The following COQ10B variants were observed in gnomAD, a reference collection of about 807,000 sequenced individuals.
COQ10B encodes the protein coenzyme Q-binding protein COQ10 homolog B, mitochondrial.
A neutral mutation model predicts 27.6 loss-of-function variants in COQ10B; 12 were observed. The ratio of observed to expected loss-of-function variants is 0.43; its 90% confidence interval spans 0.28 to 0.70. COQ10B has a LOEUF of 0.70. COQ10B is among the 30% of genes least tolerant of loss of function. The pLI, the probability that COQ10B is intolerant of heterozygous loss-of-function variation, is 0.17. For missense variants in COQ10B, 278 were observed against 288.7 expected (o/e 0.96, Z 0.27); for synonymous variants, 115 against 103.0 (o/e 1.12, Z -0.71).
rs373301334 is a variant in COQ10B at position 197,473,941 on chromosome 2, G to C, written c.*17G>C. On this transcript the variant is annotated 3_prime_UTR_variant, in exon 5 of 5. Transcript: ENST00000263960. ...CACACATAAAGGCAAAAAAGAACTG[G>C]TGCCACCTGCTTCTGACTTTAGTTT... The C allele has an allele frequency of 9.6e-6, 14 of 1,456,018 alleles. No individual in the cohort carries two copies. Among genetic ancestry groups the C allele is most frequent in the Non-Finnish European group, 1.3e-5 (14 of 1,092,334 alleles). 90.2% of individuals were successfully genotyped at this position (1,456,018 alleles called of 1,614,324 possible).
At position 197,475,047 on chromosome 2, in the gene COQ10B, C is replaced by G. The variant is rs2085935971; in HGVS notation, c.*1123C>G. 6.6e-6 allele frequency: 1 copy of G among 152,238 alleles called. No individual in the cohort carries two copies. The highest frequency in any genetic ancestry group is 2.4e-5 in the African/African-American group (1 of 41,410). The allele number at this position is 152,238 out of a possible 1,614,324, so 9.4% of individuals were successfully genotyped here. The stretch of plus-strand genomic sequence containing the variant: ...CTCACTTTCAGTAATGTGTTTCAAA[C>G]TGGTATTTTTTAAAAAACAAATCAA... On this transcript the variant is annotated 3_prime_UTR_variant, in exon 5 of 5. Coordinates refer to ENST00000263960, the MANE Select transcript of COQ10B (RefSeq NM_025147.5).
chr2:197,453,806 T>C, intron 1 of COQ10B, 142 bp downstream of exon 1: 1 of 1,023,374 alleles, frequency 9.8e-7, no homozygotes, highest in Non-Finnish European at 1.4e-6. Flanking sequence ...TTTTTTGCGT[T>C]TGGCATCTGA....
At position 197,453,663 on chromosome 2, in the gene COQ10B, A is replaced by G. The variant is rs1479756407; in HGVS notation, c.103A>G (p.Arg35Gly). 1 of 1,612,828 alleles carries G rather than the reference A, an allele frequency of 6.2e-7. No individual in the cohort carries two copies. Among genetic ancestry groups the G allele is most frequent in the Non-Finnish European group, 8.5e-7 (1 of 1,179,028 alleles). Residue 35 changes from arginine (R) to glycine (G), a missense_variant and splice_region_variant, in exon 1 of 5, where the codon AGA (arginine) becomes GGA (glycine). Transcript: ENST00000263960. Reference sequence around the variant, plus strand: ...GGCGCAGGCGCCCGTGCGGAATGGCAGGTAATCAACAGCGGGGGCGCTGAG... The same window carrying G: ...GGCGCAGGCGCCCGTGCGGAATGGCGGGTAATCAACAGCGGGGGCGCTGAG... ...AGAQAPVRNG[R>G]YLASCGILMS...
intron 1 of COQ10B, among the ~76,000 whole-genome samples, chr2:197,458,506 G>A (rs2085723470): frequency 6.6e-6 from 1 of 151,922 alleles, no homozygotes; most frequent in Non-Finnish European, 1.5e-5. Context: ...ATCTTCATAA[G>A]GCTTATGTTT....
intron 1 of COQ10B, among the ~76,000 whole-genome samples, chr2:197,458,454 C>T (rs894184102): frequency 6.6e-6 from 1 of 152,130 alleles, no homozygotes; most frequent in Non-Finnish European, 1.5e-5. Context: ...CCCTGCATCT[C>T]TTCTTCAGCA....
At chr2:197,453,983 T>C (rs2085667242) in intron 1 of COQ10B, 1 of 1,550,968 alleles carries the variant, frequency 6.4e-7, no homozygotes, top group Non-Finnish European at 8.7e-7. Flanking sequence ...GCTACTGCTG[T>C]TGGAAAGTTT....
intron 1 of COQ10B, among the ~76,000 whole-genome samples, chr2:197,454,936 GTA>G (rs2085680360): frequency 6.6e-6 from 1 of 152,102 alleles, no homozygotes; most frequent in African/African-American, 2.4e-5. Context: ...TGGTTTAACT[GTA>G]TATATGAATG....
Position 197,470,147 on chromosome 2 carries a change from A to G in COQ10B, c.525A>G (p.Pro175=). The change falls in exon 4 of 5, where the codon CCA becomes CCG. Residue 175 remains proline (P), a synonymous_variant. Coordinates refer to ENST00000263960, the MANE Select transcript of COQ10B (RefSeq NM_025147.5). ...TTAGCCCAGGTCTTCCTGGCTACCCAAGAACTTGTACCTTGGATTTTTCAG... is the reference window on the plus strand; with the variant it reads ...TTAGCCCAGGTCTTCCTGGCTACCCGAGAACTTGTACCTTGGATTTTTCAG... ...WRFSPGLPGY[P]RTCTLDFSIS... is the part of the protein sequence containing the mutation. 6.2e-7 allele frequency: 1 copy of G among 1,611,862 alleles called. No individual in the cohort carries two copies. Among genetic ancestry groups the G allele is most frequent in the African/African-American group, 1.3e-5 (1 of 75,014 alleles).
At chr2:197,459,869 A>T in intron 1 of COQ10B, 63 bp from the exon 2 acceptor site, 2 of 1,274,200 alleles carry the variant, frequency 1.6e-6, no homozygotes, top group Non-Finnish European at 2.2e-6. Context: ...TATAGTTTCT[A>T]TAATTTGTGC....
chr2:197,454,376 A>G (rs2085673174), intron 1 of COQ10B: 2 of 322,608 alleles, frequency 6.2e-6, no homozygotes, highest in Admixed American at 9.7e-5. Context: ...TGTGTTTAAA[A>G]TGAATTCAGG....
At chr2:197,471,023 A>C (rs1452323527) in intron 4 of COQ10B, among the ~76,000 whole-genome samples, 2 of 152,240 alleles carry the variant, frequency 1.3e-5, no homozygotes, top group East Asian at 3.8e-4. Context: ...CTATGATCAC[A>C]TCACTGTACT....
chr2:197,460,325 C>G (rs1390014720), intron 2 of COQ10B, among the ~76,000 whole-genome samples: 1 of 151,742 alleles, frequency 6.6e-6, no homozygotes, highest in Admixed American at 6.6e-5. Flanking sequence ...CCTTAGCCTC[C>G]CGAGTAGCAG....
At chr2:197,455,884 AG>A (rs2106043932) in intron 1 of COQ10B, among the ~76,000 whole-genome samples, 1 of 152,246 alleles carries the variant, frequency 6.6e-6, no homozygotes, top group East Asian at 1.9e-4. Flanking sequence ...ACCTGAGCCC[AG>A]GCAGTGGAGG....
At chr2:197,466,101 A>C (rs2085822161) in intron 3 of COQ10B, among the ~76,000 whole-genome samples, 2 of 152,174 alleles carry the variant, frequency 1.3e-5, no homozygotes, top group Non-Finnish European at 1.5e-5. Flanking sequence ...AAAACAAACA[A>C]ACACAAAACA....
intron 3 of COQ10B, among the ~76,000 whole-genome samples, chr2:197,463,994 T>TACACAC (rs1272219094): frequency 3.1e-3 from 156 of 50,846 alleles, no homozygotes; most frequent in Non-Finnish European, 4.9e-3. Context: ...TATATATATA[T>TACACAC]ATACACACAC....
intron 2 of COQ10B, 51 bp from the exon 3 acceptor site, chr2:197,462,483 ATATAT>A (rs1436130292): frequency 1.4e-5 from 12 of 858,734 alleles, no homozygotes; most frequent in Non-Finnish European, 2.2e-5. Context: ...TAAAGTATGC[ATATAT>A]TATATAACTA....
chr2:197,457,623 CTT>C (rs564277877), intron 1 of COQ10B, among the ~76,000 whole-genome samples: 13 of 144,510 alleles, frequency 9.0e-5, no homozygotes, highest in South Asian at 2.2e-4. Context: ...TTTTCAATTA[CTT>C]TTTTTTTTTT....
At chr2:197,463,994 TATACACACACACAC>T (rs1423726537) in intron 3 of COQ10B, among the ~76,000 whole-genome samples, 1 of 50,856 alleles carries the variant, frequency 2.0e-5, no homozygotes, top group African/African-American at 7.1e-5. Flanking sequence ...TATATATATA[TATACACACACACAC>T]ACACACACAC....
At chr2:197,459,819 A>G (rs975856976) in intron 1 of COQ10B, 113 bp from the exon 2 acceptor site, 2 of 638,658 alleles carry the variant, frequency 3.1e-6, no homozygotes, top group Non-Finnish European at 5.0e-6. Context: ...TTTCAGAAAC[A>G]TTCTGAAGTT....
Sources: gnomAD v4.1 joint callset for allele counts (sites outside exome capture counted in the v4.1 genomes callset) on GRCh38, gnomAD v4.1.1 for gene constraint, MANE v1.5 for transcripts, NCBI Gene and HGNC (gene_info 2026-07-23, HGNC 2026-07-21) for gene names.